KDM5B: variants seen among roughly 807,000 people sequenced by gnomAD.
KDM5B encodes the protein lysine-specific demethylase 5B.
A neutral mutation model predicts 193.4 loss-of-function variants in KDM5B; 144 were observed. The ratio of observed to expected loss-of-function variants is 0.74; its 90% CI spans 0.65 to 0.86. The LOEUF (loss-of-function observed/expected upper bound fraction) is 0.86. Among genes scored for constraint, KDM5B ranks in the 40% least tolerant of loss-of-function variants. The probability of loss-of-function intolerance (pLI) is 0.00; values close to 1 mark genes in which losing one functional copy is unlikely to be tolerated. For synonymous variants in KDM5B, 668 were observed against 682.6 expected, an observed-to-expected ratio of 0.98 and a Z score of 0.33; for missense variants, 1,833 against 1,886.9, an observed-to-expected ratio of 0.97 and a Z score of 0.53.
chr1:202,735,383 A>C (rs1456516723), intron 22 of KDM5B, 46 bp downstream of exon 22: 3 of 1,564,032 alleles, frequency 1.9e-6, no homozygotes, highest in Non-Finnish European at 2.6e-6. Flanking sequence ...GTTAGAAATT[A>C]TTCTTCCCAA....
intron 3 of KDM5B, among the ~76,000 whole-genome samples, chr1:202,774,121 T>C (rs1656837761): frequency 6.6e-6 from 1 of 152,216 alleles, no homozygotes. Flanking sequence ...GCAGAATTTT[T>C]GTAAAGTGTG....
chr1:202,785,933 G>GTT, intron 1 of KDM5B, among the ~76,000 whole-genome samples: 1 of 151,462 alleles, frequency 6.6e-6, no homozygotes, highest in East Asian at 1.9e-4. Flanking sequence ...AAAAGTGCCG[G>GTT]TTTTTCTCAG....
intron 10 of KDM5B, 46 bp downstream of exon 10, chr1:202,756,312 A>G (rs774127375): frequency 6.7e-7 from 1 of 1,495,558 alleles, no homozygotes; most frequent in Non-Finnish European, 9.0e-7. Flanking sequence ...CCAACCAAAC[A>G]GAATTTCAAT....
intron 18 of KDM5B, 22 bp downstream of exon 18, chr1:202,742,369 C>T (rs758758360): frequency 6.6e-7 from 1 of 1,512,388 alleles, no homozygotes; most frequent in Non-Finnish European, 9.2e-7. Flanking sequence ...AAGTATTCTC[C>T]CACACATCCC....
At position 202,773,188 on chromosome 1, in the gene KDM5B, G is replaced by T; in HGVS notation, c.506C>A (p.Ser169Ter). Reference protein sequence around the residue: ...MGFAPGKAVGSHIRGHYERIL... With the variant: ...MGFAPGKAVG ...TCGTTCATAATGCCCTCTGATATGT[G>T]AGCCCACTGCTTTGCCAGGAGCAAA... The change falls in exon 4 of 27, where the codon TCA becomes TAA. Residue 169 changes from serine (S) to a stop codon, truncating the protein, a stop_gained. Transcript: ENST00000367265. LOFTEE classifies it high-confidence loss of function. 1 of 1,613,550 alleles carries T rather than the reference G, an allele frequency of 6.2e-7. No homozygotes were observed. The highest frequency in any genetic ancestry group is 8.5e-7 in the Non-Finnish European group (1 of 1,179,492).
rs928851316 is a variant in KDM5B at position 202,728,928 on chromosome 1, T to C, written c.*108A>G. 9 of 1,313,670 alleles carry C rather than the reference T, an allele frequency of 6.9e-6. No individual in the cohort carries two copies. The African/African-American group carries it at 1.3e-4, about 19-fold the overall frequency. The allele number at this position is 1,313,670 out of a possible 1,614,324, so 81.4% of individuals were successfully genotyped here. A position where few individuals can be genotyped will look rare whatever the true frequency, so the allele number is the denominator to read the frequency against. On this transcript the variant is annotated 3_prime_UTR_variant, in exon 27 of 27. Coordinates refer to ENST00000367265, the MANE Select transcript of KDM5B (RefSeq NM_006618.5). Reference sequence around the variant, plus strand: ...CATAAGGAATAGAAATAGCACCGTTTACAGGCTGGCTTGAGTACCAGTCCT... The same window carrying C: ...CATAAGGAATAGAAATAGCACCGTTCACAGGCTGGCTTGAGTACCAGTCCT...
intron 21 of KDM5B, 36 bp from the exon 22 acceptor site, chr1:202,735,623 A>G (rs1233150131): frequency 6.3e-7 from 1 of 1,588,236 alleles, no homozygotes; most frequent in South Asian, 1.1e-5. Context: ...TGGTAAAATA[A>G]ATTTCAGATA....
Position 202,731,903 on chromosome 1 carries a change from G to A in KDM5B, c.3946C>T (p.Pro1316Ser), listed in dbSNP as rs774429689. 1 of 1,613,232 alleles carries A rather than the reference G, an allele frequency of 6.2e-7. No homozygotes were observed. Among genetic ancestry groups the A allele is most frequent in the South Asian group, 1.1e-5 (1 of 90,932 alleles). Residue 1316 changes from proline (P) to serine (S), a missense_variant, in exon 24 of 27, where the codon CCT (proline) becomes TCT (serine). Pro to Ser is a moderately conservative substitution (Grantham distance 74). Transcript: ENST00000367265. ...GAGGTTCTGTTGTCCCAGTCATCAG[G>A]CAAAGAAAATGATGTTGTGCCAGGA... ...QPPGTTSFSL[P>S]DDWDNRTSYL...
chr1:202,790,502 T>C (rs1657604432), intron 1 of KDM5B, among the ~76,000 whole-genome samples: 1 of 151,950 alleles, frequency 6.6e-6, no homozygotes. Context: ...GGCAGATCAC[T>C]TGAGGTCTGG....
intron 1 of KDM5B, among the ~76,000 whole-genome samples, chr1:202,797,978 C>A (rs556695967): frequency 6.6e-6 from 1 of 152,318 alleles, no homozygotes; most frequent in Admixed American, 6.5e-5. Flanking sequence ...ACTGCTTGAG[C>A]TCAGGAGTTC....
At position 202,762,683 on chromosome 1, in the gene KDM5B, G is replaced by C. The variant is rs1404290819; in HGVS notation, c.918+16C>G. 7.4e-7 allele frequency: 1 copy of C among 1,348,970 alleles called. No individual in the cohort carries two copies. The highest frequency in any genetic ancestry group is 1.1e-6 in the Non-Finnish European group (1 of 938,064). The allele number at this position is 1,348,970 out of a possible 1,614,324, so 83.6% of individuals were successfully genotyped here. A position where few individuals can be genotyped will look rare whatever the true frequency, so the allele number is the denominator to read the frequency against. On this transcript the variant is annotated intron_variant, in intron 7 of 26. Coordinates refer to ENST00000367265, the MANE Select transcript of KDM5B (RefSeq NM_006618.5). The stretch of plus-strand genomic sequence containing the variant: ...GAAAACAGGAAAGAAAAAGGAGAAA[G>C]GGAGATGTCACTCACAGCATTGGTG...
chr1:202,741,203 A>C (rs1232754324), intron 19 of KDM5B, among the ~76,000 whole-genome samples, 164 bp downstream of exon 19: 3 of 152,250 alleles, frequency 2.0e-5, no homozygotes, highest in African/African-American at 7.2e-5. Context: ...TCTTTTACTC[A>C]GGTCCCAAAG....
intron 3 of KDM5B, among the ~76,000 whole-genome samples, chr1:202,773,565 G>C (rs1032718374): frequency 6.6e-6 from 1 of 152,034 alleles, no homozygotes; most frequent in African/African-American, 2.4e-5. Context: ...GAAAGAACCA[G>C]GTTACCTAAA....
At position 202,753,039 on chromosome 1, in the gene KDM5B, G is replaced by A; in HGVS notation, c.1567C>T (p.Pro523Ser). 6.2e-7 allele frequency: 1 copy of A among 1,613,712 alleles called. No homozygotes were observed. The highest frequency in any genetic ancestry group is 8.5e-7 in the Non-Finnish European group (1 of 1,179,884). Residue 523 changes from proline (P) to serine (S), a missense_variant, in exon 12 of 27, where the codon CCA becomes TCA. Physicochemically the swap from Pro to Ser is moderately conservative, Grantham distance 74. Transcript: ENST00000367265. ...TCTAGCTGCTCAGCAGCATACCCTGGGACTCCATACCAGGTTTTTGGCTCA... is the reference window on the plus strand; with the variant it reads ...TCTAGCTGCTCAGCAGCATACCCTGAGACTCCATACCAGGTTTTTGGCTCA... Reference protein sequence around the residue: ...WGEPKTWYGVPGYAAEQLENV... With the variant: ...WGEPKTWYGVSGYAAEQLENV...
chr1:202,734,812 T>C (rs1655035681), intron 22 of KDM5B, among the ~76,000 whole-genome samples: 1 of 152,190 alleles, frequency 6.6e-6, no homozygotes. Flanking sequence ...TGGGAGAAGG[T>C]GTCCAGATCC....
intron 1 of KDM5B, among the ~76,000 whole-genome samples, chr1:202,798,709 AAAC>A (rs1657952514): frequency 6.6e-6 from 1 of 152,086 alleles, no homozygotes; most frequent in South Asian, 2.1e-4. Flanking sequence ...TTGGGCAACA[AAAC>A]AAGAAAAAAA....
rs541148080 is a variant in KDM5B, at chr1:202,740,782, C to A, written c.2976G>T (p.Thr992=). 8.7e-6 allele frequency: 14 copies of A among 1,612,508 alleles called. No individual in the cohort carries two copies. Among genetic ancestry groups the A allele is most frequent in the African/African-American group, 8.0e-5 (6 of 74,990 alleles). The part of the protein sequence containing the change: ...RPRHSLNSLA[T]AVKEIEEIPA... ...GGATCTCTTCGATTTCCTTTACTGC[C>A]GTAGCAAGGCTATTCAATGAATGTC... The change falls in exon 20 of 27, where the codon ACG becomes ACT. Residue 992 remains threonine (T), a synonymous_variant. Coordinates refer to ENST00000367265, the MANE Select transcript of KDM5B (RefSeq NM_006618.5).
At chr1:202,749,403 A>G (rs1275031378) in intron 13 of KDM5B, among the ~76,000 whole-genome samples, 1 of 152,102 alleles carries the variant, frequency 6.6e-6, no homozygotes, top group Non-Finnish European at 1.5e-5. Flanking sequence ...AAACAAATAT[A>G]AACATTAGTC....
intron 4 of KDM5B, 165 bp from the exon 5 acceptor site, chr1:202,767,225 A>G: frequency 2.5e-6 from 4 of 1,575,948 alleles, no homozygotes; most frequent in Non-Finnish European, 3.5e-6. Context: ...GAACTGAAAC[A>G]CCCTTATGTT....
Sources: allele counts gnomAD v4.1 joint callset (sites outside exome capture counted in the v4.1 genomes callset), GRCh38; gene constraint gnomAD v4.1.1; transcripts MANE v1.5; gene names NCBI Gene and HGNC (gene_info 2026-07-23, HGNC 2026-07-21).